Variants in CWF19L2 observed in about 807,000 individuals in gnomAD.
CWF19L2 encodes the protein CWF19-like protein 2.
In CWF19L2, 98 loss-of-function variants were observed where a neutral mutation model predicts 111.7. The ratio of observed to expected loss-of-function variants is 0.88; its 90% CI spans 0.75 to 1.04. CWF19L2 has a LOEUF of 1.04. Among genes scored for constraint, CWF19L2 ranks in the 50% least tolerant of loss-of-function variants. The pLI is 0.00. For synonymous variants in CWF19L2, 351 were observed against 342.9 expected (o/e 1.02, Z -0.26); for missense variants, 1,101 against 1,051.4 (o/e 1.05, Z -0.65).
At chr11:107,368,209 CAA>C (rs1379371253) in intron 12 of CWF19L2, among the ~76,000 whole-genome samples, 1 of 134,164 alleles carries the variant, frequency 7.5e-6, no homozygotes, top group African/African-American at 3.0e-5. Context: ...CTAAATTACC[CAA>C]GAGATAAGAT....
chr11:107,363,405 T>G (rs1366833820), intron 12 of CWF19L2, among the ~76,000 whole-genome samples: 5 of 152,008 alleles, frequency 3.3e-5, no homozygotes, highest in Non-Finnish European at 7.4e-5. Flanking sequence ...AGGAAAAATG[T>G]TAAGGGCAGC....
At position 107,326,808 on chromosome 11, in the gene CWF19L2, G is replaced by T; in HGVS notation, c.*102C>A. The T allele has an allele frequency of 1.0e-6, 1 of 968,250 alleles. No homozygotes were observed. Among genetic ancestry groups the T allele is most frequent in the Non-Finnish European group, 1.5e-6 (1 of 660,550 alleles). The allele number at this position is 968,250 out of a possible 1,614,324, so 60.0% of individuals were successfully genotyped here. On this transcript the variant is annotated 3_prime_UTR_variant, in exon 18 of 18. Coordinates refer to ENST00000282251, the MANE Select transcript of CWF19L2 (RefSeq NM_152434.3). ...CTGACCCAGAGCAGTCTGCTGCTGT[G>T]ACTCTCTCTGCCTGTGACCTGAGGG...
At chr11:107,345,734 T>C (rs1265522555) in intron 14 of CWF19L2, among the ~76,000 whole-genome samples, 2 of 152,182 alleles carry the variant, frequency 1.3e-5, no homozygotes, top group African/African-American at 2.4e-5. Context: ...AATTTGCGTT[T>C]GATCAACATC....
At chr11:107,436,854 T>C (rs557097723) in intron 6 of CWF19L2, among the ~76,000 whole-genome samples, 1 of 152,310 alleles carries the variant, frequency 6.6e-6, no homozygotes, top group Non-Finnish European at 1.5e-5. Context: ...TAAGCCTTGG[T>C]TTATTGAGCT....
rs1416086222 is a variant in CWF19L2 at position 107,455,689 on chromosome 11, C to T, written c.193G>A (p.Glu65Lys). 6.5e-7 allele frequency: 1 copy of T among 1,549,294 alleles called. No homozygotes were observed. The highest frequency in any genetic ancestry group is 1.4e-5 in the African/African-American group (1 of 72,998). Residue 65 changes from glutamate (E) to lysine (K), a missense_variant, in exon 2 of 18, where the codon GAG becomes AAG. By Grantham distance (56) the Glu-to-Lys change is moderately conservative. Transcript: ENST00000282251. ...ACCTGTGAGAACTGTTCAATTCTCT[C>T]ATTCACATCAGGTAGCATCCATGTA... Reference protein sequence around the residue: ...EDTWMLPDVNERIEQFSQEHS... With the variant: ...EDTWMLPDVNKRIEQFSQEHS...
chr11:107,387,275 C>T (rs1860781424), intron 12 of CWF19L2, among the ~76,000 whole-genome samples: 1 of 152,030 alleles, frequency 6.6e-6, no homozygotes, highest in Admixed American at 6.6e-5. Context: ...TGACACTTTT[C>T]ACCAGTTTTA....
Position 107,334,940 on chromosome 11 carries a change from C to T in CWF19L2, c.2380G>A (p.Glu794Lys). 1.2e-6 allele frequency: 2 copies of T among 1,602,790 alleles called. No individual in the cohort carries two copies. The highest frequency in any genetic ancestry group is 1.7e-6 in the Non-Finnish European group (2 of 1,170,352). ...YFKKAIMESD[E>K]EWSMNKKLID... ...AACTTCTTGTTCATGGACCACTCTT[C>T]ATCAGATTCCATTATGGCTTTCTAA... Residue 794 changes from glutamate to lysine, a missense_variant, in exon 16 of 18, where the codon GAA (glutamate) becomes AAA (lysine). By Grantham distance (56) the Glu-to-Lys change is moderately conservative. Transcript: ENST00000282251.
chr11:107,436,600 C>T (rs182703981), intron 6 of CWF19L2, among the ~76,000 whole-genome samples: 2 of 152,252 alleles, frequency 1.3e-5, no homozygotes, highest in East Asian at 3.9e-4. Flanking sequence ...ATTTAAACCA[C>T]CTTTCAAAGT....
chr11:107,403,842 A>C, intron 10 of CWF19L2: 1 of 809,264 alleles, frequency 1.2e-6, no homozygotes, highest in South Asian at 1.4e-5. Flanking sequence ...TTGTTAAGTG[A>C]ATCTGTGCTT....
At chr11:107,430,328 G>A (rs540789647) in intron 7 of CWF19L2, among the ~76,000 whole-genome samples, 1 of 152,094 alleles carries the variant, frequency 6.6e-6, no homozygotes, top group Non-Finnish European at 1.5e-5. Flanking sequence ...CAGACTTACA[G>A]CTGTTCATCC....
intron 13 of CWF19L2, among the ~76,000 whole-genome samples, chr11:107,351,632 T>C (rs1860157230): frequency 6.6e-6 from 1 of 152,220 alleles, no homozygotes; most frequent in Non-Finnish European, 1.5e-5. Flanking sequence ...AAAAGTCTTC[T>C]ATAGTAGATT....
Position 107,402,163 on chromosome 11 carries a change from T to C in CWF19L2, c.1618-9268A>G, listed in dbSNP as rs184096821. The stretch of plus-strand genomic sequence containing the variant: ...AACACTGGAAAAACCCTTCTAGACA[T>C]TGGCTTAGGAAAGCATTTCATGACC... On this transcript the variant is annotated intron_variant, in intron 10 of 17. Transcript: ENST00000282251. Among the ~76,000 whole-genome samples the C allele has an allele frequency of 3.1e-3, 476 of 152,262 alleles. 3 individuals are homozygous for C. Among genetic ancestry groups the C allele is most frequent in the African/African-American group, 0.011 (454 of 41,558 alleles).
At chr11:107,371,926 C>T (rs1264716447) in intron 12 of CWF19L2, among the ~76,000 whole-genome samples, 2 of 137,214 alleles carry the variant, frequency 1.5e-5, no homozygotes, top group Admixed American at 7.2e-5. Context: ...ATTCATCATC[C>T]TTTTTTGTGC....
intron 9 of CWF19L2, among the ~76,000 whole-genome samples, chr11:107,417,753 C>T (rs1468110499): frequency 9.1e-6 from 1 of 109,870 alleles, no homozygotes; most frequent in Non-Finnish European, 1.8e-5. Flanking sequence ...CAGAAAGGTT[C>T]GAGAATTTTT....
chr11:107,452,977 T>C (rs1861798993), intron 3 of CWF19L2, among the ~76,000 whole-genome samples: 1 of 151,848 alleles, frequency 6.6e-6, no homozygotes, highest in Admixed American at 6.6e-5. Context: ...GCTCCATCTC[T>C]AAAAACAAAC....
chr11:107,340,914 C>T (rs1019427141), intron 14 of CWF19L2, among the ~76,000 whole-genome samples: 1 of 152,046 alleles, frequency 6.6e-6, no homozygotes, highest in Non-Finnish European at 1.5e-5. Context: ...TAGATTTGTA[C>T]CTTCGTCCAT....
chr11:107,405,850 A>AAAAAG lies in CWF19L2; in HGVS notation c.1617+10358_1617+10359insCTTTT, dbSNP rs5794548. On this transcript the variant is annotated intron_variant, in intron 10 of 17. Transcript: ENST00000282251. ...AATATGAAGCAAGCCAAAAAAAAAA[A>AAAAAG]AAGAAGAAGAAGAAGAAGATAATGC... Among the ~76,000 whole-genome samples, 450 of 141,824 alleles carry AAAAAG rather than the reference A, an allele frequency of 3.2e-3. 1 individual carries two copies. The highest frequency in any genetic ancestry group is 4.1e-3 in the Non-Finnish European group (268 of 65,970). The allele number at this position is 141,824 out of a possible 152,430, so 93.0% of individuals were successfully genotyped here. A position where few individuals can be genotyped will look rare whatever the true frequency, so the allele number is the denominator to read the frequency against.
chr11:107,348,332 A>G (rs1860110510), intron 14 of CWF19L2, among the ~76,000 whole-genome samples: 1 of 152,136 alleles, frequency 6.6e-6, no homozygotes, highest in South Asian at 2.1e-4. Flanking sequence ...TTTCCTGGTC[A>G]TTATTAGGTC....
chr11:107,342,277 CT>C (rs1394012197), intron 14 of CWF19L2, among the ~76,000 whole-genome samples: 1 of 151,650 alleles, frequency 6.6e-6, no homozygotes, highest in East Asian at 1.9e-4. Flanking sequence ...TAAATTTCTC[CT>C]GAAACTTCTT....
Sources: gnomAD v4.1 joint callset for allele counts (sites outside exome capture counted in the v4.1 genomes callset) on GRCh38, gnomAD v4.1.1 for gene constraint, MANE v1.5 for transcripts, NCBI Gene and HGNC (gene_info 2026-07-23, HGNC 2026-07-21) for gene names.